Variants in PARP11 observed in about 807,000 individuals in gnomAD.
PARP11 encodes poly(ADP-ribose) polymerase family member 11, also known as protein mono-ADP-ribosyltransferase PARP11.
In PARP11, 31 loss-of-function variants were observed where a neutral mutation model predicts 42.9. The ratio of observed to expected loss-of-function variants is 0.72; its 90% confidence interval spans 0.54 to 0.98. PARP11 has a LOEUF of 0.98. PARP11 is among the 50% of genes least tolerant of loss of function. The pLI, the probability that PARP11 is intolerant of heterozygous loss-of-function variation, is 0.00. For missense variants in PARP11, 365 were observed against 413.1 expected (o/e 0.88, Z 1.01); for synonymous variants, 137 against 127.3 (o/e 1.08, Z -0.51).
At chr12:3,871,765 T>G (rs902969108) in intron 1 of PARP11, 1 of 152,098 alleles carries the variant, frequency 6.6e-6, no homozygotes, top group Non-Finnish European at 1.5e-5. Context: ...TCTCTGAGGG[T>G]TGTGTTGGGG....
chr12:3,824,040 G>A (rs980740802), intron 4 of PARP11, among the ~76,000 whole-genome samples: 2 of 151,936 alleles, frequency 1.3e-5, no homozygotes, highest in African/African-American at 4.8e-5. Flanking sequence ...ATTTTTTCAT[G>A]ATTTTAACAG....
rs923141263 is a variant in PARP11, at chr12:3,840,806, C to G, written c.19-10788G>C. On this transcript the variant is annotated intron_variant, in intron 1 of 7. Coordinates refer to ENST00000228820, the MANE Select transcript of PARP11 (RefSeq NM_020367.6). This position sits in a 1 kb window ranked among gnomAD's most constrained non-coding sequence, Gnocchi z 4.4. ...ACTGATGATAAATATGCAACAGTTT[C>G]ATCACCATCAAAGTCAAAGAAGTTA... The G allele has an allele frequency of 7.6e-6, 12 of 1,588,580 alleles. No homozygotes were observed. The highest frequency in any genetic ancestry group is 1.0e-5 in the Non-Finnish European group (12 of 1,156,824).
chr12:3,870,264 G>C (rs563411649), intron 1 of PARP11, among the ~76,000 whole-genome samples: 4 of 152,242 alleles, frequency 2.6e-5, no homozygotes, highest in Admixed American at 2.0e-4. Context: ...CTTATAGGAA[G>C]AAAAACTATT....
rs1947140625 is a variant in PARP11, at chr12:3,810,184, C to T, written c.*1939G>A. 2 of 152,276 alleles carry T rather than the reference C, an allele frequency of 1.3e-5. No homozygotes were observed. Among genetic ancestry groups the T allele is most frequent in the South Asian group, 4.1e-4 (2 of 4,828 alleles). The allele number at this position is 152,276 out of a possible 1,614,324, so 9.4% of individuals were successfully genotyped here. A position where few individuals can be genotyped will look rare whatever the true frequency, so the allele number is the denominator to read the frequency against. ...AGAAGTTAAATTGTGTACACTAACT[C>T]TCAGCCAAAATTGGGTGAGGATAAT... On this transcript the variant is annotated 3_prime_UTR_variant, in exon 8 of 8. Coordinates refer to ENST00000228820, the MANE Select transcript of PARP11 (RefSeq NM_020367.6).
chr12:3,859,822 G>A (rs1948265850), intron 1 of PARP11, among the ~76,000 whole-genome samples: 1 of 152,100 alleles, frequency 6.6e-6, no homozygotes, highest in Admixed American at 6.5e-5. Flanking sequence ...AGGCAAAATA[G>A]ACTTCAAACC....
chr12:3,829,082 T>C, intron 2 of PARP11, 52 bp from the exon 3 acceptor site: 1 of 1,606,796 alleles, frequency 6.2e-7, no homozygotes, highest in Non-Finnish European at 8.5e-7. Flanking sequence ...ATTAATGACT[T>C]GGCCACAGAG....
chr12:3,814,016 A>G, intron 7 of PARP11, 21 bp downstream of exon 7: 1 of 1,530,566 alleles, frequency 6.5e-7, no homozygotes, highest in Admixed American at 1.9e-5. Context: ...CTCAAATTGG[A>G]CCTGGAATTC....
intron 1 of PARP11, 130 bp from the exon 2 acceptor site, chr12:3,830,148 GCTTT>G: frequency 2.8e-6 from 2 of 716,432 alleles, no homozygotes; most frequent in Non-Finnish European, 4.5e-6. Context: ...TTTAAAAACA[GCTTT>G]CTATCTTTCA....
intron 1 of PARP11, among the ~76,000 whole-genome samples, chr12:3,860,154 T>A (rs1565551055): frequency 6.6e-6 from 1 of 152,142 alleles, no homozygotes; most frequent in Non-Finnish European, 1.5e-5. Context: ...AAGGTTGTGG[T>A]CAAATGATCA....
At chr12:3,865,604 ATT>A (rs1397701219) in intron 1 of PARP11, among the ~76,000 whole-genome samples, 2 of 152,170 alleles carry the variant, frequency 1.3e-5, no homozygotes, top group Non-Finnish European at 2.9e-5. Context: ...AAGAAATGAC[ATT>A]CTTTATCCTT....
chr12:3,823,112 G>A (rs1947435817), intron 4 of PARP11, among the ~76,000 whole-genome samples: 1 of 152,192 alleles, frequency 6.6e-6, no homozygotes, highest in Admixed American at 6.5e-5. Flanking sequence ...CCAGTGATTG[G>A]AGGTTACTAA....
At chr12:3,831,667 A>G (rs1947642160) in intron 1 of PARP11, among the ~76,000 whole-genome samples, 1 of 152,108 alleles carries the variant, frequency 6.6e-6, no homozygotes, top group South Asian at 2.1e-4. Flanking sequence ...CTTTATGATT[A>G]TTTCCCATTT....
At chr12:3,815,113 C>T in intron 6 of PARP11, 3 of 452,138 alleles carry the variant, frequency 6.6e-6, no homozygotes, top group South Asian at 4.7e-5. Flanking sequence ...TTGGTAGATA[C>T]ATGGGAGTCT....
At chr12:3,819,614 T>C (rs1591760814) in intron 6 of PARP11, among the ~76,000 whole-genome samples, 2 of 152,298 alleles carry the variant, frequency 1.3e-5, no homozygotes, top group East Asian at 3.9e-4. Flanking sequence ...TAATTATTTT[T>C]CTAAAATGCA....
intron 1 of PARP11, among the ~76,000 whole-genome samples, chr12:3,846,877 G>A (rs1345602546): frequency 6.6e-6 from 1 of 152,132 alleles, no homozygotes; most frequent in Non-Finnish European, 1.5e-5. Flanking sequence ...TTATGGCCAG[G>A]AGTTCAAGAC....
intron 1 of PARP11, among the ~76,000 whole-genome samples, chr12:3,860,807 G>A (rs1298300302): frequency 6.6e-6 from 1 of 152,140 alleles, no homozygotes; most frequent in African/African-American, 2.4e-5. Context: ...TTCCTGAGGA[G>A]CTGGGACTAC....
chr12:3,837,199 C>A (rs919611311), intron 1 of PARP11, among the ~76,000 whole-genome samples: 1 of 152,176 alleles, frequency 6.6e-6, no homozygotes, highest in Non-Finnish European at 1.5e-5. Flanking sequence ...TCAGCCTTCC[C>A]GCACTGCCAG....
At chr12:3,818,072 T>A (rs957414619) in intron 6 of PARP11, among the ~76,000 whole-genome samples, 3 of 152,226 alleles carry the variant, frequency 2.0e-5, no homozygotes, top group African/African-American at 7.2e-5. Context: ...CCCTTACATT[T>A]GTACTGCTGA....
At position 3,832,215 on chromosome 12, in the gene PARP11, T is replaced by C. The variant is rs1947656787; in HGVS notation, c.19-2197A>G. On this transcript the variant is annotated intron_variant, in intron 1 of 7. Transcript: ENST00000228820. ...GCTTTGGGTGGGACAGGTACCATTG[T>C]ATTGAACATTCCTAAAGCACTTCAA... The C allele has an allele frequency of 1.7e-5, 7 of 408,636 alleles. No individual in the cohort carries two copies. In the South Asian group the frequency reaches 6.3e-4, roughly 37 times the overall value. 25.3% of individuals were successfully genotyped at this position (408,636 alleles called of 1,614,324 possible).
Sources: gnomAD v4.1 joint callset for allele counts (sites outside exome capture counted in the v4.1 genomes callset) on GRCh38, gnomAD v4.1.1 for gene constraint, Gnocchi (gnomAD v3.1) non-coding constraint, MANE v1.5 for transcripts, NCBI Gene and HGNC (gene_info 2026-07-23, HGNC 2026-07-21) for gene names.